The following RAPGEF1 variants were observed in gnomAD, a reference collection of about 807,000 sequenced individuals.
The protein encoded by RAPGEF1 is CRK SH3-binding GNRP.
In RAPGEF1, 33 loss-of-function variants were observed where a neutral mutation model predicts 143.3. That is an observed-to-expected ratio of 0.23 (90% CI 0.17 to 0.31). The LOEUF is 0.31. Ranked by LOEUF, RAPGEF1 falls within the 10% of genes least tolerant of loss-of-function variation. The pLI, the probability that RAPGEF1 is intolerant of heterozygous loss-of-function variation, is 1.00. For synonymous variants in RAPGEF1, 629 were observed against 676.5 expected (o/e 0.93, Z 1.09); for missense variants, 1,199 against 1,645.4 (o/e 0.73, Z 4.69).
At chr9:131,729,396 C>T (rs756389214) in intron 1 of RAPGEF1, among the ~76,000 whole-genome samples, 34 of 152,218 alleles carry the variant, frequency 2.2e-4, no homozygotes, top group Non-Finnish European at 4.6e-4. Context: ...CACTTCCTAC[C>T]GTTGTGCCAT....
intron 4 of RAPGEF1, among the ~76,000 whole-genome samples, chr9:131,639,183 G>C (rs1216179942): frequency 1.3e-5 from 2 of 152,128 alleles, no homozygotes; most frequent in African/African-American, 2.4e-5. Context: ...CTGATTGTTA[G>C]CAATTAGAAT....
At chr9:131,735,458 GAC>G (rs1364325580) in intron 1 of RAPGEF1, among the ~76,000 whole-genome samples, 3 of 152,142 alleles carry the variant, frequency 2.0e-5, no homozygotes, top group Non-Finnish European at 4.4e-5. Flanking sequence ...CTCACCCTGT[GAC>G]ACACAGAGGA....
At chr9:131,616,269 A>G (rs1025554276) in intron 12 of RAPGEF1, among the ~76,000 whole-genome samples, 2 of 152,120 alleles carry the variant, frequency 1.3e-5, no homozygotes, top group African/African-American at 4.8e-5. Flanking sequence ...TCCATCTCAA[A>G]AACAAAAACA....
chr9:131,733,890 T>C (rs1837250533), intron 1 of RAPGEF1, among the ~76,000 whole-genome samples: 1 of 152,210 alleles, frequency 6.6e-6, no homozygotes, highest in Non-Finnish European at 1.5e-5. Flanking sequence ...GTCTCTTGGC[T>C]ACAAGGAATC....
intron 1 of RAPGEF1, among the ~76,000 whole-genome samples, chr9:131,731,248 T>A (rs1275368649): frequency 1.3e-5 from 2 of 152,190 alleles, no homozygotes; most frequent in South Asian, 2.1e-4. Context: ...GCGAGCCTGG[T>A]ACAGCACGTG....
rs1225555862 is a variant in RAPGEF1, at chr9:131,667,466, A to AGG, written c.62-16518_62-16517insCC. On this transcript the variant is annotated intron_variant, in intron 1 of 26. Transcript: ENST00000683357. This position sits in a 1 kb window ranked among gnomAD's most constrained non-coding sequence, Gnocchi z 4.6. ...CCTCCACAGTACCTGGTACAGGGAC[A>AGG]GAGGTGGCTGGGTGATGGCCTCAAG... 6.6e-6 allele frequency among the ~76,000 whole-genome samples: 1 copy of AGG among 152,214 alleles called. No homozygotes were observed. Among genetic ancestry groups the AGG allele is most frequent in the Non-Finnish European group, 1.5e-5 (1 of 68,024 alleles).
rs571519536 is a variant in RAPGEF1 at position 131,621,234 on chromosome 9, G to A, written c.1905+562C>T. Among the ~76,000 whole-genome samples, 3 of 152,304 alleles carry A rather than the reference G, an allele frequency of 2.0e-5. No homozygotes were observed. Among genetic ancestry groups the A allele is most frequent in the East Asian group, 1.9e-4 (1 of 5,170 alleles). ...ACATGCACAGGAGTCCTTAGCACAC[G>A]AGTGTTTTCTAGAAGAGGAAGGTGC... On this transcript the variant is annotated intron_variant, in intron 11 of 26. Transcript: ENST00000683357. The surrounding 1 kb of genome is among the most constrained non-coding windows in gnomAD (Gnocchi z 4.5).
chr9:131,654,654 C>G (rs953388281), intron 1 of RAPGEF1, among the ~76,000 whole-genome samples: 1 of 152,162 alleles, frequency 6.6e-6, no homozygotes, highest in Non-Finnish European at 1.5e-5. Context: ...GTGAGCACTG[C>G]GCTCCAGCCT....
chr9:131,635,638 T>C (rs1324002543), intron 5 of RAPGEF1, among the ~76,000 whole-genome samples: 1 of 151,056 alleles, frequency 6.6e-6, no homozygotes, highest in African/African-American at 2.4e-5. Flanking sequence ...AAAGGGACGG[T>C]GAGAGAGGCT....
intron 1 of RAPGEF1, among the ~76,000 whole-genome samples, chr9:131,673,933 T>G (rs1460024937): frequency 6.6e-6 from 1 of 152,166 alleles, no homozygotes; most frequent in Non-Finnish European, 1.5e-5. Flanking sequence ...CCCTTGATAA[T>G]AAAAATATGG....
At chr9:131,690,322 C>T (rs932777616) in intron 1 of RAPGEF1, among the ~76,000 whole-genome samples, 12 of 151,748 alleles carry the variant, frequency 7.9e-5, no homozygotes, top group South Asian at 2.1e-4. Context: ...TCTTCCAAAA[C>T]GAGAAAGAGA....
chr9:131,592,637 C>T (rs1014128755), intron 17 of RAPGEF1, among the ~76,000 whole-genome samples: 1 of 152,168 alleles, frequency 6.6e-6, no homozygotes, highest in Non-Finnish European at 1.5e-5. Flanking sequence ...TGTCCTAAGG[C>T]TTTATGCTTC....
At chr9:131,598,716 G>A (rs963671493) in intron 15 of RAPGEF1, among the ~76,000 whole-genome samples, 7 of 152,174 alleles carry the variant, frequency 4.6e-5, no homozygotes, top group African/African-American at 7.2e-5. Flanking sequence ...TCCAAGGACC[G>A]ACTTGCCACG....
At chr9:131,640,222 C>T (rs951598403) in intron 4 of RAPGEF1, among the ~76,000 whole-genome samples, 2 of 152,224 alleles carry the variant, frequency 1.3e-5, no homozygotes, top group Non-Finnish European at 2.9e-5. Context: ...AACGGCTGGG[C>T]TGGACCTCGC....
intron 1 of RAPGEF1, among the ~76,000 whole-genome samples, chr9:131,718,347 A>T (rs1305715767): frequency 6.6e-6 from 1 of 152,164 alleles, no homozygotes; most frequent in Non-Finnish European, 1.5e-5. Context: ...ATCGCTTCAC[A>T]TGTGTGGGGA....
chr9:131,601,283 C>T (rs1956236100), intron 15 of RAPGEF1, among the ~76,000 whole-genome samples: 1 of 151,208 alleles, frequency 6.6e-6, no homozygotes, highest in Non-Finnish European at 1.5e-5. Flanking sequence ...ACAAGACATT[C>T]TTGTTAGCAA....
At chr9:131,689,413 C>T (rs1025153844) in intron 1 of RAPGEF1, among the ~76,000 whole-genome samples, 13 of 152,082 alleles carry the variant, frequency 8.5e-5, no homozygotes, top group Non-Finnish European at 1.3e-4. Flanking sequence ...AACTCCTTCA[C>T]TGATTAGTTT....
rs1286461336 is a variant in RAPGEF1, at chr9:131,675,485, A to T, written c.62-24536T>A. Among the ~76,000 whole-genome samples, 1 of 152,242 alleles carries T rather than the reference A, an allele frequency of 6.6e-6. No individual in the cohort carries two copies. Among genetic ancestry groups the T allele is most frequent in the Non-Finnish European group, 1.5e-5 (1 of 68,036 alleles). ...CAGAAATCTAAAAATGGTCCCCAAC[A>T]GGCTGAGAAGCCAAACACCCACAAG... On this transcript the variant is annotated intron_variant, in intron 1 of 26. Transcript: ENST00000683357. The surrounding 1 kb of genome is among the most constrained non-coding windows in gnomAD (Gnocchi z 4.6).
At chr9:131,714,711 T>A (rs868480090) in intron 1 of RAPGEF1, among the ~76,000 whole-genome samples, 35,624 of 145,278 alleles carry the variant, frequency 0.25, 4,539 homozygotes, top group Non-Finnish European at 0.31. Context: ...CTGCCTTTTT[T>A]TTTTTTTTTT....
Sources: gnomAD v4.1 joint callset for allele counts (sites outside exome capture counted in the v4.1 genomes callset) on GRCh38, gnomAD v4.1.1 for gene constraint, Gnocchi (gnomAD v3.1) non-coding constraint, MANE v1.5 for transcripts, NCBI Gene and HGNC (gene_info 2026-07-23, HGNC 2026-07-21) for gene names.